The following INPP5A variants were observed in gnomAD, a reference collection of about 807,000 sequenced individuals.
The protein encoded by INPP5A is inositol polyphosphate-5-phosphatase A, also known as 43 kDa inositol polyphosphate 5-phophatase.
Under a neutral mutation model 65.2 loss-of-function variants are expected in INPP5A, and 14 were observed. That is an observed-to-expected ratio of 0.21 (90% CI 0.14 to 0.34). The LOEUF is 0.34. INPP5A is among the 10% of genes least tolerant of loss of function. INPP5A has a pLI of 1.00. For synonymous variants in INPP5A, 207 were observed against 208.3 expected, an observed-to-expected ratio of 0.99 and a Z score of 0.05; for missense variants, 431 against 545.6, an observed-to-expected ratio of 0.79 and a Z score of 2.09.
chr10:132,588,720 C>T (rs1279843888), intron 1 of INPP5A, among the ~76,000 whole-genome samples: 1 of 152,208 alleles, frequency 6.6e-6, no homozygotes, highest in Non-Finnish European at 1.5e-5. Context: ...TTAAGGAAGT[C>T]TTTGGAAGGA....
chr10:132,649,617 C>T (rs868303438), intron 3 of INPP5A, among the ~76,000 whole-genome samples: 2 of 152,144 alleles, frequency 1.3e-5, no homozygotes, highest in African/African-American at 4.8e-5. Flanking sequence ...ATGTGGACCC[C>T]CCTTCTTCCT....
At chr10:132,649,911 C>T (rs563546131) in intron 3 of INPP5A, among the ~76,000 whole-genome samples, 5 of 152,298 alleles carry the variant, frequency 3.3e-5, no homozygotes, top group African/African-American at 7.2e-5. Context: ...TCCTTTCCCT[C>T]CTGTGTGGTT....
At position 132,690,451 on chromosome 10, in the gene INPP5A, T is replaced by C; in HGVS notation, c.366T>C (p.Phe122=). The C allele has an allele frequency of 6.2e-7, 1 of 1,611,324 alleles. No individual in the cohort carries two copies. Among genetic ancestry groups the C allele is most frequent in the Non-Finnish European group, 8.5e-7 (1 of 1,177,770 alleles). The change falls in exon 5 of 16, where the codon TTT becomes TTC. Residue 122 remains phenylalanine (F), a synonymous_variant. Transcript: ENST00000368594. ...ESLKNIYQFD[F]KAKKYRKVAG... is the part of the protein sequence containing the mutation. The stretch of plus-strand genomic sequence containing the variant: ...TAAAAAACATCTACCAGTTTGACTT[T>C]AAAGGTAAGACTGCGTGCCGTCTTC...
intron 4 of INPP5A, among the ~76,000 whole-genome samples, chr10:132,680,739 G>A (rs978245725): frequency 6.6e-6 from 1 of 152,264 alleles, no homozygotes; most frequent in Non-Finnish European, 1.5e-5. Context: ...TGGGCTTGGC[G>A]GGCCCCGCAC....
intron 14 of INPP5A, among the ~76,000 whole-genome samples, chr10:132,781,544 C>T (rs112738440): frequency 4.6e-5 from 7 of 152,368 alleles, no homozygotes; most frequent in African/African-American, 9.6e-5. Context: ...CTTCCTTCCC[C>T]GCTTCATTTG....
intron 6 of INPP5A, among the ~76,000 whole-genome samples, chr10:132,701,584 C>T (rs1014742719): frequency 2.6e-5 from 4 of 152,258 alleles, no homozygotes; most frequent in African/African-American, 9.6e-5. Flanking sequence ...CCCAGGACGC[C>T]CGTCTCTGCC....
chr10:132,554,134 C>T (rs186249603), intron 1 of INPP5A, among the ~76,000 whole-genome samples: 84 of 152,172 alleles, frequency 5.5e-4, no homozygotes, highest in African/African-American at 1.8e-3. Flanking sequence ...GATTCGAGGG[C>T]GCCTCCTCAG....
chr10:132,556,207 G>A (rs1172629173), intron 1 of INPP5A, among the ~76,000 whole-genome samples: 1 of 152,190 alleles, frequency 6.6e-6, no homozygotes, highest in Non-Finnish European at 1.5e-5. Context: ...GTGTCCTCCT[G>A]TGGCTTTGTC....
rs1382147356 is a variant in INPP5A at position 132,678,081 on chromosome 10, C to T, written c.307-12311C>T. Among the ~76,000 whole-genome samples the T allele has an allele frequency of 1.3e-5, 2 of 152,212 alleles. No individual in the cohort carries two copies. The highest frequency in any genetic ancestry group is 2.1e-4 in the South Asian group (1 of 4,834). On this transcript the variant is annotated intron_variant, in intron 4 of 15. Coordinates refer to ENST00000368594, the MANE Select transcript of INPP5A (RefSeq NM_005539.5). The surrounding 1 kb of genome is among the most constrained non-coding windows in gnomAD (Gnocchi z 4.1). ...GCCAGACAGGGGGACACCTTGGTGC[C>T]GTCATCCCGTTTGGCCCCAGGAGCT...
chr10:132,682,169 A>T (rs1199014859), intron 4 of INPP5A, among the ~76,000 whole-genome samples: 2 of 106,104 alleles, frequency 1.9e-5, no homozygotes, highest in African/African-American at 5.5e-5. Flanking sequence ...GGGAAGGTGG[A>T]CAGCGTCCTG....
intron 1 of INPP5A, among the ~76,000 whole-genome samples, chr10:132,605,904 T>C (rs2071842739): frequency 6.6e-6 from 1 of 152,166 alleles, no homozygotes; most frequent in African/African-American, 2.4e-5. Flanking sequence ...CAAACACGGA[T>C]GTCTTTGTTT....
In INPP5A at chr10:132,663,271, GAGTGCAGT is replaced by G. The variant is rs1364318964; in HGVS notation, c.306+12773_306+12780del. ...GGATGTCACTCTGTTGCCCAGGCTG[GAGTGCAGT>G]AGTGCAATCGTGGCTTACTGCAGCC... is the stretch of plus-strand genomic sequence containing the variant. On this transcript the variant is annotated intron_variant, in intron 4 of 15. Coordinates refer to ENST00000368594, the MANE Select transcript of INPP5A (RefSeq NM_005539.5). The surrounding 1 kb of genome is among the most constrained non-coding windows in gnomAD (Gnocchi z 4.5). 6.6e-6 allele frequency among the ~76,000 whole-genome samples: 1 copy of G among 152,148 alleles called. No individual in the cohort carries two copies. The highest frequency in any genetic ancestry group is 2.4e-5 in the African/African-American group (1 of 41,426).
At chr10:132,613,005 C>T (rs2071980115) in intron 2 of INPP5A, among the ~76,000 whole-genome samples, 1 of 152,188 alleles carries the variant, frequency 6.6e-6, no homozygotes, top group South Asian at 2.1e-4. Flanking sequence ...TGGGGGAGGG[C>T]AGTCTTGGGG....
At chr10:132,570,903 C>T (rs537627963) in intron 1 of INPP5A, among the ~76,000 whole-genome samples, 3 of 152,346 alleles carry the variant, frequency 2.0e-5, no homozygotes, top group Admixed American at 6.5e-5. Flanking sequence ...GCTCTCAGGT[C>T]GCCTCTCATC....
chr10:132,732,819 G>A (rs1846109417), intron 9 of INPP5A, among the ~76,000 whole-genome samples: 1 of 152,120 alleles, frequency 6.6e-6, no homozygotes, highest in East Asian at 1.9e-4. Flanking sequence ...GGAGGGTCAC[G>A]GCCTGTCTTC....
At chr10:132,765,405 G>A (rs1246167640) in intron 11 of INPP5A, among the ~76,000 whole-genome samples, 1 of 152,246 alleles carries the variant, frequency 6.6e-6, no homozygotes, top group Non-Finnish European at 1.5e-5. Context: ...ACTCTGGGCA[G>A]GACAGGAGCT....
At position 132,678,429 on chromosome 10, in the gene INPP5A, C is replaced by T. The variant is rs1342722574; in HGVS notation, c.307-11963C>T. On this transcript the variant is annotated intron_variant, in intron 4 of 15. Coordinates refer to ENST00000368594, the MANE Select transcript of INPP5A (RefSeq NM_005539.5). The surrounding 1 kb of genome is among the most constrained non-coding windows in gnomAD (Gnocchi z 4.1). ...GTTAAATTGTTTCAAAACAAGGTGT[C>T]TTGGGACTTGCCTTTGTGATAGGGT... is the stretch of plus-strand genomic sequence containing the variant. Among the ~76,000 whole-genome samples, 1 of 152,078 alleles carries T rather than the reference C, an allele frequency of 6.6e-6. No homozygotes were observed. The highest frequency in any genetic ancestry group is 1.5e-5 in the Non-Finnish European group (1 of 68,030).
At chr10:132,595,652 G>A (rs139349227) in intron 1 of INPP5A, among the ~76,000 whole-genome samples, 67 of 152,258 alleles carry the variant, frequency 4.4e-4, no homozygotes, top group African/African-American at 1.4e-3. Context: ...CTATCTCCAC[G>A]TCATGTTTTA....
intron 8 of INPP5A, among the ~76,000 whole-genome samples, chr10:132,726,110 G>A (rs967553770): frequency 2.6e-5 from 4 of 152,136 alleles, no homozygotes; most frequent in Non-Finnish European, 4.4e-5. Flanking sequence ...AAGGGAAGCC[G>A]CAGTGGAAAA....
Sources: allele counts gnomAD v4.1 joint callset (sites outside exome capture counted in the v4.1 genomes callset), GRCh38; gene constraint gnomAD v4.1.1; non-coding constraint Gnocchi (gnomAD v3.1); transcripts MANE v1.5; gene names NCBI Gene and HGNC (gene_info 2026-07-23, HGNC 2026-07-21).